Variants in UGT1A8 observed in about 807,000 individuals in gnomAD.
UGT1A8 encodes UDP-glucuronosyltransferase 1A8.
UGT1A8 carries 39 observed loss-of-function variants against 45.3 expected under a neutral mutation model. The ratio of observed to expected loss-of-function variants is 0.86; its 90% CI spans 0.67 to 1.12. The LOEUF (loss-of-function observed/expected upper bound fraction) is 1.12, where lower values mean the gene tolerates loss of function less well. Ranked by LOEUF, UGT1A8 falls within the 50% of genes most tolerant of loss-of-function variation. The pLI, the probability that UGT1A8 is intolerant of heterozygous loss-of-function variation, is 0.00. For missense variants in UGT1A8, 719 were observed against 664.9 expected (o/e 1.08, Z -0.90); for synonymous variants, 275 against 249.2 (o/e 1.10, Z -0.97).
At chr2:233,699,296 C>A (rs2075497064) in intron 1 of UGT1A8, among the ~76,000 whole-genome samples, 1 of 152,170 alleles carries the variant, frequency 6.6e-6, no homozygotes, top group Admixed American at 6.5e-5. Context: ...CTGGGACACT[C>A]TTATGCTGTC....
chr2:233,728,121 T>C (rs1274585713), intron 1 of UGT1A8, among the ~76,000 whole-genome samples: 1 of 152,216 alleles, frequency 6.6e-6, no homozygotes, highest in East Asian at 1.9e-4. Flanking sequence ...ATCTTGAAAT[T>C]TGGACTAGGG....
intron 1 of UGT1A8, among the ~76,000 whole-genome samples, chr2:233,646,529 T>A (rs188562315): frequency 1.3e-5 from 2 of 152,218 alleles, no homozygotes; most frequent in Admixed American, 1.3e-4. Flanking sequence ...CTTTGCTTTT[T>A]AAAAATTTCT....
chr2:233,693,285 T>C, intron 1 of UGT1A8: 1 of 1,614,168 alleles, frequency 6.2e-7, no homozygotes, highest in Non-Finnish European at 8.5e-7. Context: ...TACCAATCAT[T>C]TGGAAACAAT....
rs755619446 is a variant in UGT1A8 at position 233,617,851 on chromosome 2, T to C, written c.144T>C (p.Leu48=). ...WFTMQSVVEK[L]ILRGHEVVVV... The stretch of plus-strand genomic sequence containing the variant: ...CCATGCAGTCGGTGGTGGAGAAACT[T>C]ATCCTCAGGGGGCATGAGGTGGTTG... Residue 48 remains leucine, a synonymous_variant, in exon 1 of 5, where the codon CTT becomes CTC. Transcript: ENST00000373450. The C allele has an allele frequency of 3.1e-5, 50 of 1,613,916 alleles. No individual in the cohort carries two copies. The highest frequency in any genetic ancestry group is 4.2e-5 in the Non-Finnish European group (49 of 1,180,006).
At chr2:233,728,129 G>A (rs554109385) in intron 1 of UGT1A8, among the ~76,000 whole-genome samples, 1 of 152,318 alleles carries the variant, frequency 6.6e-6, no homozygotes, top group South Asian at 2.1e-4. Context: ...ATTTGGACTA[G>A]GGCCCCCACA....
At chr2:233,653,628 G>A (rs555759244) in intron 1 of UGT1A8, among the ~76,000 whole-genome samples, 106 of 152,204 alleles carry the variant, frequency 7.0e-4, no homozygotes, top group African/African-American at 2.3e-3. Context: ...ACAGAGTCTC[G>A]CTGTGTTGCC....
intron 1 of UGT1A8, chr2:233,681,753 T>C (rs2074537507): frequency 4.7e-6 from 4 of 844,608 alleles, no homozygotes; most frequent in Non-Finnish European, 5.7e-6. Context: ...TATAAGCAGG[T>C]ATCTCAGCAA....
At chr2:233,648,440 T>TTA in intron 1 of UGT1A8, 2 of 156,738 alleles carry the variant, frequency 1.3e-5, no homozygotes, top group East Asian at 1.8e-4. Context: ...GCTGTGACTT[T>TTA]TTATTATTAT....
intron 1 of UGT1A8, chr2:233,713,347 A>G (rs749851918): frequency 1.2e-6 from 2 of 1,614,196 alleles, no homozygotes; most frequent in East Asian, 2.2e-5. Context: ...ATTATGAACA[A>G]TATGTCTTTG....
intron 1 of UGT1A8, among the ~76,000 whole-genome samples, chr2:233,688,558 T>G (rs147203988): frequency 7.5e-4 from 114 of 152,300 alleles, no homozygotes; most frequent in African/African-American, 2.6e-3. Context: ...CTCTAATCCC[T>G]CAGCAAACAT....
At chr2:233,724,307 C>T (rs2077214825) in intron 1 of UGT1A8, among the ~76,000 whole-genome samples, 2 of 146,966 alleles carry the variant, frequency 1.4e-5, no homozygotes, top group African/African-American at 2.5e-5. Flanking sequence ...CCACCTCCCT[C>T]CCGGACGGGG....
chr2:233,744,546 A>G (rs6741669), intron 1 of UGT1A8, among the ~76,000 whole-genome samples: 82,767 of 151,282 alleles, frequency 0.55, 24,843 homozygotes, highest in African/African-American at 0.8. Flanking sequence ...AAATTTTATT[A>G]AGACAAAATG....
At chr2:233,637,271 T>C in intron 1 of UGT1A8, 1 of 1,613,944 alleles carries the variant, frequency 6.2e-7, no homozygotes, top group Non-Finnish European at 8.5e-7. Flanking sequence ...CACACATCAA[T>C]TTGGTTGTTG....
intron 1 of UGT1A8, among the ~76,000 whole-genome samples, chr2:233,678,063 A>G (rs1000988482): frequency 6.6e-5 from 10 of 152,222 alleles, no homozygotes; most frequent in African/African-American, 2.4e-4. Context: ...GAATATATAC[A>G]GGCACAGAAC....
At chr2:233,674,615 A>G (rs911623859) in intron 1 of UGT1A8, among the ~76,000 whole-genome samples, 2 of 151,090 alleles carry the variant, frequency 1.3e-5, no homozygotes, top group Non-Finnish European at 2.9e-5. Flanking sequence ...ACATCAAACT[A>G]TATATGGTTT....
chr2:233,677,704 A>G (rs1575422206), intron 1 of UGT1A8, among the ~76,000 whole-genome samples: 1 of 152,200 alleles, frequency 6.6e-6, no homozygotes, highest in African/African-American at 2.4e-5. Context: ...TGCTGAGAAA[A>G]GGGAACACTT....
intron 1 of UGT1A8, among the ~76,000 whole-genome samples, chr2:233,684,525 A>T (rs1342289288): frequency 6.6e-6 from 1 of 152,190 alleles, no homozygotes; most frequent in Non-Finnish European, 1.5e-5. Context: ...ATTATATATG[A>T]TTCTATACCA....
At chr2:233,688,964 A>T (rs562862783) in intron 1 of UGT1A8, among the ~76,000 whole-genome samples, 1 of 152,182 alleles carries the variant, frequency 6.6e-6, no homozygotes, top group African/African-American at 2.4e-5. Context: ...TTGGAATCAT[A>T]GCATGTTCTT....
intron 1 of UGT1A8, chr2:233,754,643 CTCAA>C (rs886471187): frequency 6.7e-6 from 3 of 449,160 alleles, no homozygotes; most frequent in Non-Finnish European, 8.9e-6. Context: ...CTTGGCCATT[CTCAA>C]TGATTCTCTT....
Sources: gnomAD v4.1 joint callset for allele counts (sites outside exome capture counted in the v4.1 genomes callset) on GRCh38, gnomAD v4.1.1 for gene constraint, MANE v1.5 for transcripts, NCBI Gene and HGNC (gene_info 2026-07-23, HGNC 2026-07-21) for gene names.